Variants in ATP10B observed in about 807,000 individuals in gnomAD.
ATP10B encodes ATPase phospholipid transporting 10B (putative).
Under a neutral mutation model 141.2 loss-of-function variants are expected in ATP10B, and 122 were observed. The ratio of observed to expected loss-of-function variants is 0.86; its 90% CI spans 0.75 to 1.00. The LOEUF is 1.00. Ranked by LOEUF, ATP10B falls within the 50% of genes least tolerant of loss-of-function variation. ATP10B has a pLI of 0.00. For missense variants in ATP10B, 1,876 were observed against 1,825.3 expected (o/e 1.03, Z -0.51); for synonymous variants, 685 against 692.0 (o/e 0.99, Z 0.16).
chr5:160,871,297 G>A, the ATP10B span, among the ~76,000 whole-genome samples: 1 of 151,992 alleles, frequency 6.6e-6, no homozygotes, highest in East Asian at 1.9e-4. Flanking sequence ...GGAACAGAAG[G>A]GAGGGAATTA....
chr5:160,857,123 C>A (rs1754019304), upstream of ATP10B, among the ~76,000 whole-genome samples: 1 of 151,722 alleles, frequency 6.6e-6, no homozygotes, highest in African/African-American at 2.4e-5. Flanking sequence ...AAAATATTTA[C>A]AGAATTTGAA....
chr5:160,850,744 C>T (rs912127770), intron 1 of ATP10B, among the ~76,000 whole-genome samples: 1 of 152,084 alleles, frequency 6.6e-6, no homozygotes, highest in Non-Finnish European at 1.5e-5. Context: ...GCCTATTAAT[C>T]CACCCATATG....
intron 2 of ATP10B, among the ~76,000 whole-genome samples, chr5:160,720,055 CT>C (rs1377809306): frequency 2.0e-5 from 3 of 152,210 alleles, no homozygotes; most frequent in Non-Finnish European, 4.4e-5. Context: ...CCTGTAACTC[CT>C]CCCAAGGCAT....
chr5:160,660,046 G>T (rs1477824835), intron 7 of ATP10B, among the ~76,000 whole-genome samples: 1 of 152,098 alleles, frequency 6.6e-6, no homozygotes, highest in East Asian at 1.9e-4. Flanking sequence ...ATATCAAAAG[G>T]GGGTGGTGTA....
At chr5:160,734,764 A>T (rs1766994497) in intron 2 of ATP10B, among the ~76,000 whole-genome samples, 1 of 152,068 alleles carries the variant, frequency 6.6e-6, no homozygotes, top group Non-Finnish European at 1.5e-5. Context: ...GTAGACTAAG[A>T]CGTAACTATA....
chr5:160,635,547 T>C (rs759633487), intron 11 of ATP10B, among the ~76,000 whole-genome samples: 2 of 152,136 alleles, frequency 1.3e-5, no homozygotes, highest in African/African-American at 2.4e-5. Flanking sequence ...TAATCACCAA[T>C]AAGAGGGCAA....
the ATP10B span, among the ~76,000 whole-genome samples, chr5:160,859,231 G>A: frequency 6.6e-6 from 1 of 151,756 alleles, no homozygotes; most frequent in Admixed American, 6.6e-5. Flanking sequence ...ACTGGGTATA[G>A]AATTATGGAT....
intron 24 of ATP10B, among the ~76,000 whole-genome samples, chr5:160,580,205 G>A (rs1431637494): frequency 5.3e-5 from 8 of 152,192 alleles, no homozygotes; most frequent in Admixed American, 5.2e-4. Flanking sequence ...ATGTTGAATA[G>A]GAGTGGTGAG....
intron 18 of ATP10B, among the ~76,000 whole-genome samples, chr5:160,610,928 C>T (rs1051097851): frequency 6.6e-6 from 1 of 152,008 alleles, no homozygotes; most frequent in African/African-American, 2.4e-5. Context: ...ATACACCTAG[C>T]AAAGAGATAA....
the ATP10B span, among the ~76,000 whole-genome samples, chr5:160,880,617 A>T: frequency 1.3e-5 from 2 of 152,180 alleles, no homozygotes; most frequent in Non-Finnish European, 2.9e-5. Context: ...AGAGACCAGA[A>T]ATAGAACCAC....
chr5:160,655,104 A>T (rs1224819157), intron 7 of ATP10B, among the ~76,000 whole-genome samples: 1 of 152,182 alleles, frequency 6.6e-6, no homozygotes, highest in Non-Finnish European at 1.5e-5. Flanking sequence ...GACTTAATGA[A>T]TGAATACATT....
intron 11 of ATP10B, among the ~76,000 whole-genome samples, chr5:160,635,549 A>G (rs1256822828): frequency 2.6e-5 from 4 of 152,242 alleles, no homozygotes; most frequent in Non-Finnish European, 5.9e-5. Flanking sequence ...ATCACCAATA[A>G]GAGGGCAATG....
intron 2 of ATP10B, among the ~76,000 whole-genome samples, chr5:160,758,388 T>A (rs1345294966): frequency 6.6e-6 from 1 of 152,178 alleles, no homozygotes; most frequent in African/African-American, 2.4e-5. Context: ...ACATACTTGA[T>A]ACATGGCAGA....
intron 22 of ATP10B, among the ~76,000 whole-genome samples, chr5:160,596,203 T>C (rs1291455894): frequency 2.0e-5 from 3 of 152,176 alleles, no homozygotes; most frequent in Non-Finnish European, 4.4e-5. Context: ...CATGATCAAG[T>C]TGGCCTCATC....
intron 1 of ATP10B, among the ~76,000 whole-genome samples, chr5:160,833,512 G>T (rs952685768): frequency 6.6e-6 from 1 of 152,132 alleles, no homozygotes; most frequent in Non-Finnish European, 1.5e-5. Flanking sequence ...CATCCTGTTT[G>T]ATTTTCCCAC....
chr5:160,847,098 G>A (rs1396597836), intron 1 of ATP10B, among the ~76,000 whole-genome samples: 2 of 152,078 alleles, frequency 1.3e-5, no homozygotes, highest in Non-Finnish European at 2.9e-5. Context: ...TAAGGAGACT[G>A]GAGCTCAAAG....
chr5:160,797,126 G>T (rs950287323), intron 1 of ATP10B, among the ~76,000 whole-genome samples: 1 of 152,038 alleles, frequency 6.6e-6, no homozygotes, highest in South Asian at 2.1e-4. Flanking sequence ...GGAGAAACCA[G>T]GGCCCAGGAA....
chr5:160,805,667 G>A (rs185052881), intron 1 of ATP10B, among the ~76,000 whole-genome samples: 1 of 152,268 alleles, frequency 6.6e-6, no homozygotes, highest in African/African-American at 2.4e-5. Flanking sequence ...AGGCACTTAA[G>A]AGCATTTACA....
At chr5:160,878,611 G>A in the ATP10B span, among the ~76,000 whole-genome samples, 4 of 151,846 alleles carry the variant, frequency 2.6e-5, no homozygotes. Context: ...CTACAAAATG[G>A]GAGAAAATTT....
Sources: allele counts gnomAD v4.1 joint callset (sites outside exome capture counted in the v4.1 genomes callset), GRCh38; gene constraint gnomAD v4.1.1; transcripts MANE v1.5; gene names NCBI Gene and HGNC (gene_info 2026-07-23, HGNC 2026-07-21).